TRIM44: variants seen among roughly 807,000 people sequenced by gnomAD.
TRIM44 encodes the protein tripartite motif-containing protein 44.
In TRIM44, 13 loss-of-function variants were observed where a neutral mutation model predicts 37.4. The ratio of observed to expected loss-of-function variants is 0.35; its 90% CI spans 0.23 to 0.55. The LOEUF (loss-of-function observed/expected upper bound fraction) is 0.55. Among genes scored for constraint, TRIM44 ranks in the 20% least tolerant of loss-of-function variants. The pLI, the probability that TRIM44 is intolerant of heterozygous loss-of-function variation, is 0.89. For synonymous variants in TRIM44, 175 were observed against 157.2 expected, an observed-to-expected ratio of 1.11 and a Z score of -0.85; for missense variants, 426 against 437.2, an observed-to-expected ratio of 0.97 and a Z score of 0.23.
chr11:35,797,989 A>G (rs945127882), intron 4 of TRIM44, among the ~76,000 whole-genome samples: 2 of 152,210 alleles, frequency 1.3e-5, no homozygotes, highest in African/African-American at 4.8e-5. Flanking sequence ...ACAGCCTCAG[A>G]AGGTCCTGAT....
intron 2 of TRIM44, among the ~76,000 whole-genome samples, chr11:35,709,960 CAA>C (rs1266928872): frequency 1.3e-5 from 2 of 151,572 alleles, no homozygotes; most frequent in Non-Finnish European, 2.9e-5. Flanking sequence ...ATTTATAGAC[CAA>C]AAAAAAGTAA....
chr11:35,806,516 C>A lies in TRIM44; in HGVS notation c.*131C>A. On this transcript the variant is annotated 3_prime_UTR_variant, in exon 5 of 5. Coordinates refer to ENST00000299413, the MANE Select transcript of TRIM44 (RefSeq NM_017583.6). ...ACTTCCACCAGATGTGTCCCCAGAT[C>A]CACAGCAGGCACATATCTCTCCAAG... is the stretch of plus-strand genomic sequence containing the variant. 1.1e-6 allele frequency: 1 copy of A among 943,966 alleles called. No homozygotes were observed. Among genetic ancestry groups the A allele is most frequent in the Admixed American group, 1.8e-5 (1 of 54,562 alleles). The allele number at this position is 943,966 out of a possible 1,614,324, so 58.5% of individuals were successfully genotyped here. A position where few individuals can be genotyped will look rare whatever the true frequency, so the allele number is the denominator to read the frequency against.
intron 2 of TRIM44, among the ~76,000 whole-genome samples, chr11:35,689,608 G>GAAATTTT (rs1851618113): frequency 6.6e-6 from 1 of 152,080 alleles, no homozygotes; most frequent in East Asian, 1.9e-4. Context: ...AGGCTTTAGG[G>GAAATTTT]AAATTTTAAA....
intron 2 of TRIM44, among the ~76,000 whole-genome samples, chr11:35,717,492 C>T (rs942063319): frequency 1.3e-5 from 2 of 152,044 alleles, no homozygotes; most frequent in Non-Finnish European, 2.9e-5. Context: ...CCCTGTCTGC[C>T]AAATTATCCT....
intron 2 of TRIM44, among the ~76,000 whole-genome samples, chr11:35,715,239 G>C (rs1185143113): frequency 6.6e-6 from 1 of 152,144 alleles, no homozygotes; most frequent in Non-Finnish European, 1.5e-5. Flanking sequence ...CAGTCATAGT[G>C]GTTAGACATC....
chr11:35,663,891 T>A (rs1565400131), intron 1 of TRIM44, 111 bp downstream of exon 1: 28 of 1,314,628 alleles, frequency 2.1e-5, no homozygotes, highest in Non-Finnish European at 2.9e-5. Flanking sequence ...AAGAAGCTAG[T>A]CTTTCCAACT....
In TRIM44 at chr11:35,726,054, C is replaced by T. The variant is rs1169587006; in HGVS notation, c.878C>T (p.Thr293Ile). ...IQEAMATAHV[T>I]EILADIQSHM... is the part of the protein sequence containing the mutation. ...GAGGCAATGGCCACAGCTCATGTGA[C>T]TGAGATACTGGCAGACATCCAATCC... Residue 293 changes from threonine (T) to isoleucine (I), a missense_variant, in exon 3 of 5, where the codon ACT becomes ATT. This residue lies in a region of TRIM44 where 95 missense variants were observed against 134.2 expected (regional missense o/e 0.71). Coordinates refer to ENST00000299413, the MANE Select transcript of TRIM44 (RefSeq NM_017583.6). 12 of 1,614,092 alleles carry T rather than the reference C, an allele frequency of 7.4e-6. No individual in the cohort carries two copies. The highest frequency in any genetic ancestry group is 8.5e-6 in the Non-Finnish European group (10 of 1,179,998).
Position 35,743,190 on chromosome 11 carries a change from G to A in TRIM44, c.1007+7745G>A, listed in dbSNP as rs745489724. Among the ~76,000 whole-genome samples, 4 of 152,262 alleles carry A rather than the reference G, an allele frequency of 2.6e-5. 1 individual carries two copies. Among genetic ancestry groups the A allele is most frequent in the Middle Eastern group, 6.8e-3 (2 of 294 alleles). On this transcript the variant is annotated intron_variant, in intron 4 of 4. Transcript: ENST00000299413. The stretch of plus-strand genomic sequence containing the variant: ...AGGAGTGAAAACACATGTGCTGTGC[G>A]GGGAATGGTGAATAACTGCATGACT...
intron 1 of TRIM44, among the ~76,000 whole-genome samples, chr11:35,667,423 G>A (rs1041769479): frequency 3.3e-5 from 5 of 152,242 alleles, no homozygotes; most frequent in African/African-American, 1.2e-4. Context: ...AGGCTGGAAT[G>A]CAGTGGTGGG....
At chr11:35,713,420 T>C (rs1270676534) in intron 2 of TRIM44, among the ~76,000 whole-genome samples, 4 of 152,122 alleles carry the variant, frequency 2.6e-5, no homozygotes, top group Non-Finnish European at 5.9e-5. Flanking sequence ...AACTTTTGCC[T>C]ATAGAAGATG....
intron 1 of TRIM44, among the ~76,000 whole-genome samples, chr11:35,672,703 C>CCTA (rs1364402117): frequency 6.6e-6 from 1 of 152,036 alleles, no homozygotes; most frequent in Non-Finnish European, 1.5e-5. Flanking sequence ...GTAGTATATT[C>CCTA]CATAGTGGTC....
chr11:35,773,384 G>C (rs1031661554), intron 4 of TRIM44, among the ~76,000 whole-genome samples: 1 of 151,880 alleles, frequency 6.6e-6, no homozygotes, highest in Admixed American at 6.6e-5. Flanking sequence ...CCAGATGTTA[G>C]ACCTTTGTCA....
rs138858181 is a variant in TRIM44 at position 35,693,506 on chromosome 11, C to T, written c.747+8170C>T. 5.3e-5 allele frequency among the ~76,000 whole-genome samples: 8 copies of T among 152,156 alleles called. No individual in the cohort carries two copies. In the East Asian group the frequency reaches 1.4e-3, roughly 26 times the overall value. On this transcript the variant is annotated intron_variant, in intron 2 of 4. Coordinates refer to ENST00000299413, the MANE Select transcript of TRIM44 (RefSeq NM_017583.6). ...CTGTTTGCAGGAGAAAAACAAAACCCGGTCCTTTCTGTCTAGGATCTATGT... is the reference window on the plus strand; with the variant it reads ...CTGTTTGCAGGAGAAAAACAAAACCTGGTCCTTTCTGTCTAGGATCTATGT...
intron 2 of TRIM44, among the ~76,000 whole-genome samples, chr11:35,724,524 A>G (rs1473292757): frequency 6.6e-6 from 1 of 152,186 alleles, no homozygotes; most frequent in Non-Finnish European, 1.5e-5. Flanking sequence ...TATCTCAGCT[A>G]CACTCATAAT....
intron 2 of TRIM44, 28 bp downstream of exon 2, chr11:35,685,364 G>C (rs1332949774): frequency 6.3e-7 from 1 of 1,583,732 alleles, no homozygotes; most frequent in East Asian, 2.2e-5. Context: ...TTGATTGGGT[G>C]TTGGTACCCC....
At chr11:35,772,167 A>G (rs1035744717) in intron 4 of TRIM44, among the ~76,000 whole-genome samples, 38 of 152,270 alleles carry the variant, frequency 2.5e-4, no homozygotes, top group Non-Finnish European at 4.6e-4. Context: ...ACAGAAGTCA[A>G]GAACTAAAGT....
chr11:35,761,600 TA>T (rs1249352366), intron 4 of TRIM44, among the ~76,000 whole-genome samples: 1 of 152,140 alleles, frequency 6.6e-6, no homozygotes, highest in African/African-American at 2.4e-5. Flanking sequence ...AATAACCTCA[TA>T]GGGGTAGAGT....
intron 2 of TRIM44, among the ~76,000 whole-genome samples, chr11:35,721,863 A>G (rs1477614029): frequency 1.3e-5 from 2 of 152,196 alleles, no homozygotes; most frequent in Middle Eastern, 3.2e-3. Context: ...CCACTGATAC[A>G]CAAAAGACAC....
rs1014658651 is a variant in TRIM44 at position 35,816,120 on chromosome 11, C to T, written c.*9735C>T. The T allele has an allele frequency of 3.3e-5, 5 of 152,144 alleles. No individual in the cohort carries two copies. The highest frequency in any genetic ancestry group is 9.7e-5 in the African/African-American group (4 of 41,426). 9.4% of individuals were successfully genotyped at this position (152,144 alleles called of 1,614,324 possible). ...TCACTCCACCCTGCCTCTACTCCTC[C>T]GCCTCCTATTCTTCCGGCCTTTCCA... is the stretch of plus-strand genomic sequence containing the variant. On this transcript the variant is annotated 3_prime_UTR_variant, in exon 5 of 5. Transcript: ENST00000299413.
Sources: allele counts gnomAD v4.1 joint callset (sites outside exome capture counted in the v4.1 genomes callset), GRCh38; gene constraint gnomAD v4.1.1; regional missense constraint gnomAD v4.1.1; transcripts MANE v1.5; gene names NCBI Gene and HGNC (gene_info 2026-07-23, HGNC 2026-07-21).